ZNF572: variants seen among roughly 807,000 people sequenced by gnomAD.
ZNF572 encodes the protein zinc finger protein 572.
ZNF572 carries 2 observed loss-of-function variants against 3.8 expected under a neutral mutation model. The observed-to-expected ratio is 0.52, with a 90% CI of 0.21 to 1.65. The LOEUF (loss-of-function observed/expected upper bound fraction) is 1.65. Among genes scored for constraint, ZNF572 ranks in the 40% most tolerant of loss-of-function variants. The pLI, the probability that ZNF572 is intolerant of heterozygous loss-of-function variation, is 0.20. For synonymous variants in ZNF572, 187 were observed against 204.5 expected (o/e 0.91, Z 0.73); for missense variants, 581 against 633.4 (o/e 0.92, Z 0.89).
Position 124,977,185 on chromosome 8 carries a change from A to T in ZNF572, c.917A>T (p.Glu306Val), listed in dbSNP as rs748530541. ...AAGCCCTACAAATGTCTTGAGTGTG[A>T]AAAAAGCTTTGGTTGTAATTCTACT... ...GEKPYKCLEC[E>V]KSFGCNSTLI... The change falls in exon 3 of 3, where the codon GAA (glutamate) becomes GTA (valine). Residue 306 changes from glutamate (E) to valine (V), a missense_variant. Physicochemically the swap from Glu to Val is moderately radical, Grantham distance 121. Coordinates refer to ENST00000319286, the MANE Select transcript of ZNF572 (RefSeq NM_152412.3). 2.9e-5 allele frequency: 47 copies of T among 1,610,438 alleles called. No individual in the cohort carries two copies. The highest frequency in any genetic ancestry group is 3.9e-5 in the Non-Finnish European group (46 of 1,179,996).
chr8:124,973,400 G>A lies in ZNF572; in HGVS notation c.-52G>A, dbSNP rs1814458712. On this transcript the variant is annotated 5_prime_UTR_variant, in exon 1 of 3. The change creates a new upstream start codon in the 5' untranslated region. Transcript: ENST00000319286. ...CCGCTGGGGGTGCAGGGCGCCTTGG[G>A]TGTAGCACCCAGAACAGTGAGTTCC... 1 of 152,554 alleles carries A rather than the reference G, an allele frequency of 6.6e-6. No individual in the cohort carries two copies. Among genetic ancestry groups the A allele is most frequent in the Admixed American group, 6.5e-5 (1 of 15,282 alleles). The allele number at this position is 152,554 out of a possible 1,614,324, so 9.5% of individuals were successfully genotyped here.
chr8:124,973,855 C>T (rs1814469358), intron 1 of ZNF572, among the ~76,000 whole-genome samples: 1 of 152,136 alleles, frequency 6.6e-6, no homozygotes, highest in South Asian at 2.1e-4. Flanking sequence ...TCCGGGGGCT[C>T]CTTTGCTGCC....
rs1380200394 is a variant in ZNF572, at chr8:124,976,612, A to G, written c.344A>G (p.Glu115Gly). Residue 115 changes from glutamate to glycine, a missense_variant, in exon 3 of 3, where the codon GAA becomes GGA. Physicochemically the swap from Glu to Gly is moderately conservative, Grantham distance 98. Transcript: ENST00000319286. ...AATCACCAGGAATGGGACTCAGGAG[A>G]ACATACCAATGCCTGTGTCCAGCAG... ...KPNHQEWDSG[E>G]HTNACVQQNS... 1 of 1,614,206 alleles carries G rather than the reference A, an allele frequency of 6.2e-7. No individual in the cohort carries two copies. Among genetic ancestry groups the G allele is most frequent in the South Asian group, 1.1e-5 (1 of 91,086 alleles).
rs1182786122 is a variant in ZNF572 at position 124,976,759 on chromosome 8, AGT to A, written c.495_496del (p.Ala166LysfsTer5). ...GGAGAAAAGCCTTATAAATGCTCTG[AGT>A]GTGCAAAATGTTTTTGTAACAGTTC... On this transcript the variant is annotated frameshift_variant, in exon 3 of 3. Coordinates refer to ENST00000319286, the MANE Select transcript of ZNF572 (RefSeq NM_152412.3). LOFTEE classifies it low-confidence loss of function (END_TRUNC). 5 of 1,614,098 alleles carry A rather than the reference AGT, an allele frequency of 3.1e-6. No individual in the cohort carries two copies. The highest frequency in any genetic ancestry group is 4.2e-6 in the Non-Finnish European group (5 of 1,180,032).
At position 124,978,664 on chromosome 8, in the gene ZNF572, G is replaced by T. The variant is rs1300243005; in HGVS notation, c.*806G>T. 2 of 152,144 alleles carry T rather than the reference G, an allele frequency of 1.3e-5. No individual in the cohort carries two copies. The highest frequency in any genetic ancestry group is 4.8e-5 in the African/African-American group (2 of 41,428). 9.4% of individuals were successfully genotyped at this position (152,144 alleles called of 1,614,324 possible). A position where few individuals can be genotyped will look rare whatever the true frequency, so the allele number is the denominator to read the frequency against. On this transcript the variant is annotated 3_prime_UTR_variant, in exon 3 of 3. Transcript: ENST00000319286. ...TGGGATAGAGTATTGAAGACACTGG[G>T]TTTAGACATTGGATATTTTAATGAT... is the stretch of plus-strand genomic sequence containing the variant.
Position 124,975,738 on chromosome 8 carries a change from G to A in ZNF572, c.79+19G>A, listed in dbSNP as rs373804861. 7.5e-6 allele frequency: 12 copies of A among 1,598,776 alleles called. No homozygotes were observed. The highest frequency in any genetic ancestry group is 9.4e-6 in the Non-Finnish European group (11 of 1,166,304). Reference sequence around the variant, plus strand: ...TTCACAGGTGAGGGATCAAGACGATGATCTGAATCCTTAGGAAATTTGATG... The same window carrying A: ...TTCACAGGTGAGGGATCAAGACGATAATCTGAATCCTTAGGAAATTTGATG... On this transcript the variant is annotated intron_variant, in intron 2 of 2. Transcript: ENST00000319286.
intron 1 of ZNF572, 74 bp from the exon 2 acceptor site, chr8:124,975,532 G>A (rs1294948362): frequency 3.6e-6 from 3 of 839,706 alleles, no homozygotes; most frequent in Non-Finnish European, 5.9e-6. Flanking sequence ...TTGTTGTGTT[G>A]GAATGGTTGG....
rs1814534024 is a variant in ZNF572, at chr8:124,977,941, A to G, written c.*83A>G. 18 of 1,421,926 alleles carry G rather than the reference A, an allele frequency of 1.3e-5. No homozygotes were observed. The highest frequency in any genetic ancestry group is 6.6e-6 in the Non-Finnish European group (7 of 1,068,412). The allele number at this position is 1,421,926 out of a possible 1,614,324, so 88.1% of individuals were successfully genotyped here. A position where few individuals can be genotyped will look rare whatever the true frequency, so the allele number is the denominator to read the frequency against. Reference sequence around the variant, plus strand: ...GTATTCTGTGATTGTTGTGCTATAAAGTTTCTTTGATGTGTTTGTCAAAAC... The same window carrying G: ...GTATTCTGTGATTGTTGTGCTATAAGGTTTCTTTGATGTGTTTGTCAAAAC... On this transcript the variant is annotated 3_prime_UTR_variant, in exon 3 of 3. Coordinates refer to ENST00000319286, the MANE Select transcript of ZNF572 (RefSeq NM_152412.3).
chr8:124,976,634 G>C lies in ZNF572; in HGVS notation c.366G>C (p.Gln122His), dbSNP rs1814509550. 2 of 1,614,102 alleles carry C rather than the reference G, an allele frequency of 1.2e-6. No individual in the cohort carries two copies. The highest frequency in any genetic ancestry group is 2.2e-5 in the South Asian group (2 of 91,090). The change falls in exon 3 of 3, where the codon CAG becomes CAC. Residue 122 changes from glutamine (Q) to histidine (H), a missense_variant. Transcript: ENST00000319286. ...GAGAACATACCAATGCCTGTGTCCA[G>C]CAGAATTCATCCTTTGTAGACAGAC... ...DSGEHTNACVQQNSSFVDRPY... is the reference protein window; with the variant it reads ...DSGEHTNACVHQNSSFVDRPY...
chr8:124,976,905 G>A lies in ZNF572; in HGVS notation c.637G>A (p.Glu213Lys), dbSNP rs1814514821. ...LIIHERTHTG[E>K]KPYKCPECGK... ...TATCCATGAGAGAACTCACACGGGA[G>A]AGAAACCCTACAAATGTCCCGAGTG... The change falls in exon 3 of 3, where the codon GAG (glutamate) becomes AAG (lysine). Residue 213 changes from glutamate (E) to lysine (K), a missense_variant. By Grantham distance (56) the Glu-to-Lys change is moderately conservative. Transcript: ENST00000319286. The A allele has an allele frequency of 1.2e-6, 2 of 1,614,050 alleles. No individual in the cohort carries two copies. Among genetic ancestry groups the A allele is most frequent in the Admixed American group, 1.7e-5 (1 of 60,006 alleles).
Position 124,975,656 on chromosome 8 carries a change from A to G in ZNF572, c.16A>G (p.Lys6Glu), listed in dbSNP as rs1814497445. The change falls in exon 2 of 3, where the codon AAA (lysine) becomes GAA (glutamate). Residue 6 changes from lysine to glutamate, a missense_variant. Lys to Glu is a moderately conservative substitution (Grantham distance 56). Coordinates refer to ENST00000319286, the MANE Select transcript of ZNF572 (RefSeq NM_152412.3). ...GATCATTGTGATGGAGCAAGAAAAA[A>G]AACTGTTGGTCTCAGATTCTAACAG... MEQEK[K>E]LLVSDSNSFM... 3.1e-6 allele frequency: 5 copies of G among 1,613,954 alleles called. No homozygotes were observed. Among genetic ancestry groups the G allele is most frequent in the Non-Finnish European group, 3.4e-6 (4 of 1,179,926 alleles).
Position 124,976,735 on chromosome 8 carries a change from G to T in ZNF572, c.467G>T (p.Gly156Val), listed in dbSNP as rs1191069366. ...HLRTHQRTHS[G>V]EKPYKCSECA... ...CGTACTCACCAGAGGACCCACTCAGGAGAAAAGCCTTATAAATGCTCTGAG... is the reference window on the plus strand; with the variant it reads ...CGTACTCACCAGAGGACCCACTCAGTAGAAAAGCCTTATAAATGCTCTGAG... Residue 156 changes from glycine (G) to valine (V), a missense_variant, in exon 3 of 3, where the codon GGA becomes GTA. Coordinates refer to ENST00000319286, the MANE Select transcript of ZNF572 (RefSeq NM_152412.3). 1 of 1,614,180 alleles carries T rather than the reference G, an allele frequency of 6.2e-7. No individual in the cohort carries two copies. The highest frequency in any genetic ancestry group is 8.5e-7 in the Non-Finnish European group (1 of 1,180,018).
chr8:124,978,425 T>C lies in ZNF572; in HGVS notation c.*567T>C, dbSNP rs913333224. 2.0e-5 allele frequency: 3 copies of C among 152,258 alleles called. No homozygotes were observed. Among genetic ancestry groups the C allele is most frequent in the African/African-American group, 7.2e-5 (3 of 41,458 alleles). 9.4% of individuals were successfully genotyped at this position (152,258 alleles called of 1,614,324 possible). On this transcript the variant is annotated 3_prime_UTR_variant, in exon 3 of 3. Coordinates refer to ENST00000319286, the MANE Select transcript of ZNF572 (RefSeq NM_152412.3). ...ATGTAGCTATTTGTATTAAGATTAA[T>C]TGAAATTTTAAATCCAGTTCCTCAG... is the stretch of plus-strand genomic sequence containing the variant.
At chr8:124,975,304 A>T (rs1339883391) in intron 1 of ZNF572, among the ~76,000 whole-genome samples, 1 of 152,224 alleles carries the variant, frequency 6.6e-6, no homozygotes, top group Non-Finnish European at 1.5e-5. Flanking sequence ...TTAAAGTAAA[A>T]GTGTTTCTAA....
intron 1 of ZNF572, among the ~76,000 whole-genome samples, chr8:124,975,385 T>A (rs895444475): frequency 6.6e-6 from 1 of 152,252 alleles, no homozygotes; most frequent in African/African-American, 2.4e-5. Context: ...ATGTGAAGAT[T>A]TACTTTTTTG....
chr8:124,977,902 C>T lies in ZNF572; in HGVS notation c.*44C>T, dbSNP rs1048607327. On this transcript the variant is annotated 3_prime_UTR_variant, in exon 3 of 3. Coordinates refer to ENST00000319286, the MANE Select transcript of ZNF572 (RefSeq NM_152412.3). The stretch of plus-strand genomic sequence containing the variant: ...TGATGGTTTTTTCTTCCTTGTTGGA[C>T]CATGACAATTTAGGTATTCTGTGAT... 5 of 1,509,598 alleles carry T rather than the reference C, an allele frequency of 3.3e-6. No homozygotes were observed. In the Admixed American group the frequency reaches 6.7e-5, roughly 20 times the overall value. 93.5% of individuals were successfully genotyped at this position (1,509,598 alleles called of 1,614,324 possible). A position where few individuals can be genotyped will look rare whatever the true frequency, so the allele number is the denominator to read the frequency against.
At position 124,976,715 on chromosome 8, in the gene ZNF572, T is replaced by C; in HGVS notation, c.447T>C (p.Thr149=). 6.2e-7 allele frequency: 1 copy of C among 1,614,204 alleles called. No homozygotes were observed. The highest frequency in any genetic ancestry group is 1.1e-5 in the South Asian group (1 of 91,080). ...TCAGTAATAGTTCTCATTTGCGTAC[T>C]CACCAGAGGACCCACTCAGGAGAAA... ...KSFSNSSHLR[T]HQRTHSGEKP... is the part of the protein sequence containing the mutation. Residue 149 remains threonine (T), a synonymous_variant, in exon 3 of 3, where the codon ACT becomes ACC. Coordinates refer to ENST00000319286, the MANE Select transcript of ZNF572 (RefSeq NM_152412.3).
intron 1 of ZNF572, 90 bp from the exon 2 acceptor site, chr8:124,975,516 C>T: frequency 1.4e-6 from 1 of 717,294 alleles, no homozygotes; most frequent in Non-Finnish European, 2.4e-6. Context: ...CATTCTATGC[C>T]TCCTATTGTT....
In ZNF572 at chr8:124,977,358, A is replaced by G. The variant is rs1814522561; in HGVS notation, c.1090A>G (p.Ser364Gly). The G allele has an allele frequency of 5.0e-6, 8 of 1,614,236 alleles. No individual in the cohort carries two copies. In the East Asian group the frequency reaches 1.8e-4, roughly 36 times the overall value. ...CTATGAAAGTTCTGAATATGAGGAA[A>G]GTTTGGGTCAGAACTGCAATGTGAT... ...KSYESSEYEESLGQNCNVIEE... is the reference protein window; with the variant it reads ...KSYESSEYEEGLGQNCNVIEE... Residue 364 changes from serine to glycine, a missense_variant, in exon 3 of 3, where the codon AGT becomes GGT. Ser to Gly is a moderately conservative substitution (Grantham distance 56). Transcript: ENST00000319286.
Sources: gnomAD v4.1 joint callset for allele counts (sites outside exome capture counted in the v4.1 genomes callset) on GRCh38, gnomAD v4.1.1 for gene constraint, MANE v1.5 for transcripts, NCBI Gene and HGNC (gene_info 2026-07-23, HGNC 2026-07-21) for gene names.